Variants in DAB2IP observed in about 807,000 individuals in gnomAD.
DAB2IP encodes disabled homolog 2-interacting protein.
Under a neutral mutation model 107.2 loss-of-function variants are expected in DAB2IP, and 28 were observed. The ratio of observed to expected loss-of-function variants is 0.26; its 90% CI spans 0.19 to 0.36. DAB2IP has a LOEUF of 0.36. Ranked by LOEUF, DAB2IP falls within the 10% of genes least tolerant of loss-of-function variation. The pLI, the probability that DAB2IP is intolerant of heterozygous loss-of-function variation, is 1.00. For missense variants in DAB2IP, 1,400 were observed against 1,644.7 expected, an observed-to-expected ratio of 0.85 and a Z score of 2.57; for synonymous variants, 755 against 706.4, an observed-to-expected ratio of 1.07 and a Z score of -1.09.
exon 4 of DAB2IP, chr9:121,757,146 G>T: frequency 6.2e-7 from 1 of 1,614,092 alleles, no homozygotes; most frequent in Non-Finnish European, 8.5e-7. Context: ...CAGCATCCTT[G>T]GCCAGGACTA....
chr9:121,706,161 T>G (rs527405257), intron 3 of DAB2IP, among the ~76,000 whole-genome samples: 2 of 152,282 alleles, frequency 1.3e-5, no homozygotes, highest in East Asian at 3.9e-4. Flanking sequence ...TGGCCATCAG[T>G]GCATCCATCT....
intron 1 of DAB2IP, among the ~76,000 whole-genome samples, chr9:121,624,599 G>A (rs2119001442): frequency 6.6e-6 from 1 of 152,222 alleles, no homozygotes; most frequent in South Asian, 2.1e-4. Context: ...ATTTACAATT[G>A]TATTGCAATT....
At chr9:121,668,794 G>A (rs1050130916) in intron 1 of DAB2IP, among the ~76,000 whole-genome samples, 2 of 151,084 alleles carry the variant, frequency 1.3e-5, no homozygotes, top group East Asian at 2.0e-4. Flanking sequence ...TGGCTACTGT[G>A]TAATATGATA....
At chr9:121,781,315 C>A in intron 14 of DAB2IP, 149 bp from the exon 15 acceptor site, 3 of 703,960 alleles carry the variant, frequency 4.3e-6, no homozygotes, top group Non-Finnish European at 4.8e-6. Context: ...GCCTCTGCCC[C>A]AGGCAAGTAT....
intron 3 of DAB2IP, among the ~76,000 whole-genome samples, chr9:121,745,135 C>T (rs1359831799): frequency 6.6e-6 from 1 of 152,164 alleles, no homozygotes; most frequent in Non-Finnish European, 1.5e-5. Flanking sequence ...ACACACTGGC[C>T]TTGGGAAGCC....
chr9:121,733,027 C>A (rs1047176055), intron 3 of DAB2IP, among the ~76,000 whole-genome samples: 6 of 152,184 alleles, frequency 3.9e-5, no homozygotes, highest in Non-Finnish European at 7.3e-5. Flanking sequence ...CAATCTAATA[C>A]CAAGTTTGTT....
upstream of DAB2IP, among the ~76,000 whole-genome samples, chr9:121,646,675 C>T (rs536354895): frequency 6.6e-6 from 1 of 152,240 alleles, no homozygotes; most frequent in South Asian, 2.1e-4. Context: ...TCCAGACACC[C>T]ATTGTGTGGG....
chr9:121,652,541 T>A (rs376927743), intron 1 of DAB2IP, among the ~76,000 whole-genome samples: 2 of 151,976 alleles, frequency 1.3e-5, no homozygotes, highest in Admixed American at 6.5e-5. Flanking sequence ...GGGACTTCCT[T>A]CCCTGGCTGA....
intron 1 of DAB2IP, among the ~76,000 whole-genome samples, chr9:121,584,916 T>C (rs1830279415): frequency 6.6e-6 from 1 of 152,122 alleles, no homozygotes; most frequent in South Asian, 2.1e-4. Context: ...CTTTTAGAGG[T>C]GGGGTCTTTC....
At chr9:121,588,294 A>G (rs1305205106) in intron 1 of DAB2IP, among the ~76,000 whole-genome samples, 3 of 151,680 alleles carry the variant, frequency 2.0e-5, no homozygotes, top group Admixed American at 6.6e-5. Context: ...CCCTCCTGTG[A>G]CCTTGCCTGA....
chr9:121,662,576 C>T lies in DAB2IP; in HGVS notation c.124+10677C>T, dbSNP rs1270320830. 2.6e-5 allele frequency among the ~76,000 whole-genome samples: 4 copies of T among 152,182 alleles called. No individual in the cohort carries two copies. Among genetic ancestry groups the T allele is most frequent in the African/African-American group, 9.6e-5 (4 of 41,458 alleles). ...ATAGCTGAGACAGAGACCATATGGA[C>T]TTGTAAGCCTGAAATATTTGCTATC... On this transcript the variant is annotated intron_variant, in intron 1 of 15. Transcript: ENST00000408936. The surrounding 1 kb of genome is among the most constrained non-coding windows in gnomAD (Gnocchi z 4.6).
intron 1 of DAB2IP, among the ~76,000 whole-genome samples, chr9:121,667,736 GATC>G (rs1182091676): frequency 6.6e-6 from 1 of 151,222 alleles, no homozygotes; most frequent in Non-Finnish European, 1.5e-5. Context: ...GACCTCAAGT[GATC>G]TGCCCACCTC....
At chr9:121,681,325 G>T (rs1828592993) in intron 2 of DAB2IP, among the ~76,000 whole-genome samples, 1 of 152,040 alleles carries the variant, frequency 6.6e-6, no homozygotes, top group African/African-American at 2.4e-5. Flanking sequence ...CTCTAATAGG[G>T]GTATTATCAC....
At chr9:121,623,548 G>A (rs929553555) in intron 1 of DAB2IP, among the ~76,000 whole-genome samples, 1 of 152,072 alleles carries the variant, frequency 6.6e-6, no homozygotes. Context: ...GGTATTTTTT[G>A]TAGAGATGGG....
intron 2 of DAB2IP, among the ~76,000 whole-genome samples, chr9:121,683,166 G>A (rs1011181253): frequency 6.6e-6 from 1 of 152,142 alleles, no homozygotes; most frequent in Non-Finnish European, 1.5e-5. Context: ...TGGGGGCTTT[G>A]CATGTGCCCA....
chr9:121,651,971 T>C lies in DAB2IP; in HGVS notation c.124+72T>C. 8.4e-7 allele frequency: 1 copy of C among 1,188,454 alleles called. No individual in the cohort carries two copies. The highest frequency in any genetic ancestry group is 1.1e-6 in the Non-Finnish European group (1 of 943,230). 73.6% of individuals were successfully genotyped at this position (1,188,454 alleles called of 1,614,324 possible). On this transcript the variant is annotated intron_variant, in intron 1 of 15. Coordinates refer to ENST00000408936, the Ensembl canonical transcript of DAB2IP. This position sits in a 1 kb window ranked among gnomAD's most constrained non-coding sequence, Gnocchi z 5.1. Reference sequence around the variant, plus strand: ...TAAGCCACCTGATGCCCTGGGATGCTAGGGACCGGGATCCTCCTTCCAGCC... The same window carrying C: ...TAAGCCACCTGATGCCCTGGGATGCCAGGGACCGGGATCCTCCTTCCAGCC...
In DAB2IP at chr9:121,668,907, C is replaced by CTTTTTT. The variant is rs377320590; in HGVS notation, c.125-9751_125-9746dup. Reference sequence around the variant, plus strand: ...CTTAAAGGGTCCATAGTAAGCCTTACTTTTTTTTTTTTTTTTTTTTTTTTT... The same window carrying CTTTTTT: ...CTTAAAGGGTCCATAGTAAGCCTTACTTTTTTTTTTTTTTTTTTTTTTTTTTTTTTT... On this transcript the variant is annotated intron_variant, in intron 1 of 15. Transcript: ENST00000408936. Among the ~76,000 whole-genome samples, 102 of 72,172 alleles carry CTTTTTT rather than the reference C, an allele frequency of 1.4e-3. 1 individual carries two copies. The highest frequency in any genetic ancestry group is 1.8e-3 in the Non-Finnish European group (75 of 40,982). The allele number at this position is 72,172 out of a possible 152,430, so 47.3% of individuals were successfully genotyped here. A position where few individuals can be genotyped will look rare whatever the true frequency, so the allele number is the denominator to read the frequency against.
chr9:121,700,344 CAG>C (rs902625017), intron 3 of DAB2IP, among the ~76,000 whole-genome samples: 4 of 152,206 alleles, frequency 2.6e-5, no homozygotes, highest in African/African-American at 7.2e-5. Flanking sequence ...CACAGCCTCT[CAG>C]GGCCCAGGTC....
rs1389686125 is a variant in DAB2IP, at chr9:121,736,903, A to T, written c.363-20110A>T. Among the ~76,000 whole-genome samples, 3 of 152,198 alleles carry T rather than the reference A, an allele frequency of 2.0e-5. No homozygotes were observed. Among genetic ancestry groups the T allele is most frequent in the Non-Finnish European group, 4.4e-5 (3 of 68,038 alleles). ...TAGGTAAAAGACAGAAACAAACAAG[A>T]TGACTTCAGGGTAGTTCTGTGGAGA... is the stretch of plus-strand genomic sequence containing the variant. On this transcript the variant is annotated intron_variant, in intron 3 of 15. Coordinates refer to ENST00000408936, the Ensembl canonical transcript of DAB2IP. The surrounding 1 kb of genome is among the most constrained non-coding windows in gnomAD (Gnocchi z 4.6).
Sources: gnomAD v4.1 joint callset for allele counts (sites outside exome capture counted in the v4.1 genomes callset) on GRCh38, gnomAD v4.1.1 for gene constraint, Gnocchi (gnomAD v3.1) non-coding constraint, MANE v1.5 for transcripts, NCBI Gene and HGNC (gene_info 2026-07-23, HGNC 2026-07-21) for gene names.